TFEC: variants seen among roughly 807,000 people sequenced by gnomAD.
TFEC encodes the protein class E basic helix-loop-helix protein 34.
A neutral mutation model predicts 41.6 loss-of-function variants in TFEC; 31 were observed. The observed-to-expected ratio is 0.74, with a 90% confidence interval of 0.56 to 1.01. TFEC has a LOEUF of 1.01. Ranked by LOEUF, TFEC falls within the 50% of genes least tolerant of loss-of-function variation. The pLI is 0.00. For missense variants in TFEC, 402 were observed against 404.1 expected (o/e 0.99, Z 0.04); for synonymous variants, 143 against 140.6 (o/e 1.02, Z -0.12).
At chr7:116,136,218 G>T (rs906808409) in intron 1 of TFEC, among the ~76,000 whole-genome samples, 1 of 151,918 alleles carries the variant, frequency 6.6e-6, no homozygotes, top group Non-Finnish European at 1.5e-5. Context: ...CATTGGTAAC[G>T]AATATGACTT....
At chr7:115,964,744 G>A (rs898097148) in intron 3 of TFEC, among the ~76,000 whole-genome samples, 2 of 151,434 alleles carry the variant, frequency 1.3e-5, no homozygotes, top group Non-Finnish European at 3.0e-5. Flanking sequence ...CATTCCTTTT[G>A]ACATTCAACT....
intron 2 of TFEC, among the ~76,000 whole-genome samples, chr7:115,983,589 T>G (rs1391592046): frequency 1.3e-5 from 2 of 152,134 alleles, no homozygotes; most frequent in Non-Finnish European, 2.9e-5. Flanking sequence ...TTAAAGGAAG[T>G]CTTTTTTCTA....
chr7:116,022,582 G>C (rs1460891592), intron 1 of TFEC, among the ~76,000 whole-genome samples: 2 of 152,188 alleles, frequency 1.3e-5, no homozygotes, highest in African/African-American at 4.8e-5. Context: ...TTAAATGTTA[G>C]TAAAATATTT....
intron 2 of TFEC, among the ~76,000 whole-genome samples, chr7:115,979,823 G>A (rs141843063): frequency 2.0e-5 from 3 of 152,136 alleles, no homozygotes; most frequent in African/African-American, 7.2e-5. Context: ...ACACTGAGAC[G>A]CATCAACATT....
intron 1 of TFEC, among the ~76,000 whole-genome samples, chr7:116,123,420 G>T (rs1798148222): frequency 6.6e-6 from 1 of 151,834 alleles, no homozygotes; most frequent in East Asian, 1.9e-4. Context: ...TAGCTACTTT[G>T]TCATCTTTTG....
intron 3 of TFEC, among the ~76,000 whole-genome samples, chr7:115,960,456 A>G (rs1792479677): frequency 6.6e-6 from 1 of 151,702 alleles, no homozygotes; most frequent in Non-Finnish European, 1.5e-5. Context: ...AATAAAATTG[A>G]TCGAATATCT....
intron 1 of TFEC, among the ~76,000 whole-genome samples, chr7:115,987,825 G>C (rs1298288993): frequency 6.6e-6 from 1 of 151,918 alleles, no homozygotes; most frequent in Non-Finnish European, 1.5e-5. Flanking sequence ...ATGAAAGAAT[G>C]AGTCATTAGA....
intron 1 of TFEC, among the ~76,000 whole-genome samples, chr7:116,027,436 AT>A (rs1330521802): frequency 1.3e-5 from 2 of 152,078 alleles, no homozygotes; most frequent in Admixed American, 1.3e-4. Flanking sequence ...ATACAAAAAA[AT>A]AAAAAGAAAT....
chr7:116,155,726 G>T (rs1199050461), intron 1 of TFEC, among the ~76,000 whole-genome samples: 1 of 152,312 alleles, frequency 6.6e-6, no homozygotes, highest in Non-Finnish European at 1.5e-5. Flanking sequence ...ATATCAAAAA[G>T]ATTAGGTTGG....
intron 3 of TFEC, among the ~76,000 whole-genome samples, chr7:116,042,971 A>G (rs1444208885): frequency 6.6e-6 from 1 of 152,172 alleles, no homozygotes; most frequent in Non-Finnish European, 1.5e-5. Context: ...AAATACATGT[A>G]CTTTTGTTGC....
chr7:116,092,587 C>A (rs1056315649), intron 3 of TFEC, among the ~76,000 whole-genome samples: 1 of 152,122 alleles, frequency 6.6e-6, no homozygotes, highest in Non-Finnish European at 1.5e-5. Flanking sequence ...TGTATGTGTA[C>A]ATGAATTAAA....
chr7:116,132,444 T>C (rs896095447), intron 1 of TFEC, among the ~76,000 whole-genome samples: 31 of 152,368 alleles, frequency 2.0e-4, no homozygotes, highest in African/African-American at 5.8e-4. Context: ...CAGCTAAGTA[T>C]AACTCTCGAA....
chr7:115,965,778 C>T (rs1280493343), intron 3 of TFEC, among the ~76,000 whole-genome samples: 1 of 151,514 alleles, frequency 6.6e-6, no homozygotes, highest in East Asian at 1.9e-4. Flanking sequence ...TTCATATATC[C>T]ATCTATTCTT....
chr7:116,028,392 G>A (rs775059720), intron 1 of TFEC, among the ~76,000 whole-genome samples: 4 of 152,086 alleles, frequency 2.6e-5, no homozygotes, highest in Non-Finnish European at 5.9e-5. Flanking sequence ...GCGTAAATTA[G>A]TTTCTTGCTG....
At chr7:116,065,421 A>G (rs969403631) in intron 3 of TFEC, among the ~76,000 whole-genome samples, 4 of 152,216 alleles carry the variant, frequency 2.6e-5, no homozygotes, top group Non-Finnish European at 4.4e-5. Flanking sequence ...GACACATTAT[A>G]TTAATCTAAG....
chr7:116,020,816 T>C (rs1223050005), intron 1 of TFEC, among the ~76,000 whole-genome samples: 3 of 152,156 alleles, frequency 2.0e-5, no homozygotes, highest in Admixed American at 6.5e-5. Flanking sequence ...CCTGAACATT[T>C]AGAAAACATA....
intron 1 of TFEC, among the ~76,000 whole-genome samples, chr7:115,987,802 AAC>A (rs1332020049): frequency 6.6e-6 from 1 of 152,146 alleles, no homozygotes; most frequent in African/African-American, 2.4e-5. Flanking sequence ...TAAACATATA[AAC>A]ACATATAAAA....
intron 1 of TFEC, among the ~76,000 whole-genome samples, chr7:116,128,289 T>C (rs1032342603): frequency 2.6e-5 from 4 of 152,156 alleles, no homozygotes; most frequent in African/African-American, 4.8e-5. Context: ...AGACTTTTCA[T>C]TGGCAAAAAT....
upstream of TFEC, among the ~76,000 whole-genome samples, chr7:116,034,599 C>T (rs1795865090): frequency 6.6e-6 from 1 of 151,760 alleles, no homozygotes; most frequent in East Asian, 1.9e-4. Flanking sequence ...AAGCTAACCT[C>T]ATCTCTCACC....
Sources: gnomAD v4.1 joint callset for allele counts (sites outside exome capture counted in the v4.1 genomes callset) on GRCh38, gnomAD v4.1.1 for gene constraint, MANE v1.5 for transcripts, NCBI Gene and HGNC (gene_info 2026-07-23, HGNC 2026-07-21) for gene names.